The following SORCS2 variants were observed in gnomAD, a reference collection of about 807,000 sequenced individuals.
The protein encoded by SORCS2 is VPS10 domain-containing receptor SorCS2.
In SORCS2, 100 loss-of-function variants were observed where a neutral mutation model predicts 141.6. The observed-to-expected ratio is 0.71, with a 90% CI of 0.60 to 0.83. SORCS2 has a LOEUF of 0.83. Ranked by LOEUF, SORCS2 falls within the 40% of genes least tolerant of loss-of-function variation. The pLI is 0.00. For synonymous variants in SORCS2, 789 were observed against 676.9 expected (o/e 1.17, Z -2.57); for missense variants, 1,646 against 1,560.2 (o/e 1.05, Z -0.93).
chr4:7,398,149 G>A (rs546633489), intron 2 of SORCS2, among the ~76,000 whole-genome samples: 2 of 152,286 alleles, frequency 1.3e-5, no homozygotes, highest in East Asian at 1.9e-4. Context: ...GTTTGCTGGA[G>A]TCCTTGTGCG....
intron 2 of SORCS2, among the ~76,000 whole-genome samples, chr4:7,420,050 G>A (rs370186862): frequency 2.0e-5 from 3 of 152,194 alleles, no homozygotes; most frequent in African/African-American, 7.2e-5. Context: ...AGCAGGCCGG[G>A]GAGACAAGAG....
chr4:7,201,932 T>G lies in SORCS2; in HGVS notation c.480+8806T>G, dbSNP rs4689081. Among the ~76,000 whole-genome samples the G allele has an allele frequency of 0.53, 80,758 of 151,792 alleles. 22,373 individuals are homozygous for G. The highest frequency in any genetic ancestry group is 0.91 in the East Asian group (4,660 of 5,148). On this transcript the variant is annotated intron_variant, in intron 1 of 26. Transcript: ENST00000507866. The surrounding 1 kb of genome is among the most constrained non-coding windows in gnomAD (Gnocchi z 4.4). ...GGAGGGCAAGGTCTCCGTCTGTAGC[T>G]TTGGAAAGGTGAAGGCATGTGTTCT...
chr4:7,634,882 T>A (rs890520028), intron 3 of SORCS2, among the ~76,000 whole-genome samples: 9 of 152,154 alleles, frequency 5.9e-5, no homozygotes, highest in African/African-American at 2.2e-4. Flanking sequence ...CCCCATCCGA[T>A]GCCCAGAAAA....
chr4:7,426,950 C>T (rs2109209514), intron 2 of SORCS2, among the ~76,000 whole-genome samples: 1 of 152,316 alleles, frequency 6.6e-6, no homozygotes, highest in East Asian at 1.9e-4. Flanking sequence ...AGCGATGGGG[C>T]CCTGAGGACA....
intron 18 of SORCS2, among the ~76,000 whole-genome samples, chr4:7,718,857 A>G (rs1726378843): frequency 6.6e-6 from 1 of 152,248 alleles, no homozygotes; most frequent in Admixed American, 6.5e-5. Context: ...CGTGGTAACA[A>G]CTGTTAGTTT....
At chr4:7,315,669 A>T (rs1044598154) in intron 1 of SORCS2, among the ~76,000 whole-genome samples, 1 of 152,166 alleles carries the variant, frequency 6.6e-6, no homozygotes, top group Admixed American at 6.5e-5. Flanking sequence ...TTTTGCAAGG[A>T]CAGCCCAAAT....
At chr4:7,272,254 G>A (rs371867024) in intron 1 of SORCS2, among the ~76,000 whole-genome samples, 3 of 152,130 alleles carry the variant, frequency 2.0e-5, no homozygotes, top group African/African-American at 4.8e-5. Context: ...ATAAAGAGGC[G>A]CCATCTTTGC....
Position 7,723,776 on chromosome 4 carries a change from G to A in SORCS2, c.2504G>A (p.Gly835Glu). ...KAMYVNLTLT[G>E]EPIRHRYESP... ...ATGTACGTGAACCTTACACTGACCG[G>A]GGAGCCCATCCGGCACCGCTACGAG... The change falls in exon 19 of 27, where the codon GGG (glycine) becomes GAG (glutamate). Residue 835 changes from glycine to glutamate, a missense_variant. Coordinates refer to ENST00000507866, the MANE Select transcript of SORCS2 (RefSeq NM_020777.3). The A allele has an allele frequency of 2.5e-6, 4 of 1,613,984 alleles. No individual in the cohort carries two copies. Among genetic ancestry groups the A allele is most frequent in the Non-Finnish European group, 3.4e-6 (4 of 1,179,910 alleles).
At chr4:7,238,609 A>G (rs1712461810) in intron 1 of SORCS2, among the ~76,000 whole-genome samples, 1 of 152,146 alleles carries the variant, frequency 6.6e-6, no homozygotes, top group Non-Finnish European at 1.5e-5. Context: ...AAGTGGCATC[A>G]GTGGGGATGG....
At chr4:7,383,749 A>C (rs544332621) in intron 1 of SORCS2, among the ~76,000 whole-genome samples, 4 of 152,334 alleles carry the variant, frequency 2.6e-5, no homozygotes, top group South Asian at 4.1e-4. Flanking sequence ...CAAAAAAACC[A>C]AAACAGCAGC....
chr4:7,274,000 G>C (rs549993553), intron 1 of SORCS2, among the ~76,000 whole-genome samples: 1 of 152,220 alleles, frequency 6.6e-6, no homozygotes, highest in Admixed American at 6.5e-5. Flanking sequence ...CCTCTGCCTC[G>C]TGCACTGCAT....
At chr4:7,400,316 G>C (rs1724490400) in intron 2 of SORCS2, among the ~76,000 whole-genome samples, 1 of 152,154 alleles carries the variant, frequency 6.6e-6, no homozygotes, top group Admixed American at 6.5e-5. Flanking sequence ...ACCAACCCCA[G>C]GTACTGGATC....
rs556820826 is a variant in SORCS2, at chr4:7,374,671, G to T, written c.481-21617G>T. 4.6e-5 allele frequency among the ~76,000 whole-genome samples: 7 copies of T among 152,220 alleles called. No individual in the cohort carries two copies. The East Asian group carries it at 7.7e-4, about 17-fold the overall frequency. Reference sequence around the variant, plus strand: ...GTAACGACCAAGAGCTGGGGTCCCCGATCGCTGAACAGCCCACACATTTGC... The same window carrying T: ...GTAACGACCAAGAGCTGGGGTCCCCTATCGCTGAACAGCCCACACATTTGC... On this transcript the variant is annotated intron_variant, in intron 1 of 26. Transcript: ENST00000507866.
At chr4:7,420,173 G>A (rs4689742) in intron 2 of SORCS2, among the ~76,000 whole-genome samples, 1 of 152,050 alleles carries the variant, frequency 6.6e-6, no homozygotes, top group African/African-American at 2.4e-5. Flanking sequence ...AATGTGCCTG[G>A]GGGGCAAGGA....
At position 7,364,721 on chromosome 4, in the gene SORCS2, C is replaced by T. The variant is rs118072164; in HGVS notation, c.481-31567C>T. ...AGGTGCTAGGAGCTGTTGTGAGGAC[C>T]TCATGTCACATGAAGTCCAAAGCTA... On this transcript the variant is annotated intron_variant, in intron 1 of 26. Coordinates refer to ENST00000507866, the MANE Select transcript of SORCS2 (RefSeq NM_020777.3). Among the ~76,000 whole-genome samples the T allele has an allele frequency of 8.9e-4, 135 of 152,276 alleles. No homozygotes were observed. In the East Asian group the frequency reaches 0.02, roughly 22 times the overall value.
At chr4:7,679,317 G>T (rs1723365807) in intron 9 of SORCS2, among the ~76,000 whole-genome samples, 1 of 152,202 alleles carries the variant, frequency 6.6e-6, no homozygotes, top group South Asian at 2.1e-4. Flanking sequence ...CCCCCAAGGA[G>T]CCCTGGCCAC....
Position 7,741,840 on chromosome 4 carries a change from TC to T in SORCS2, c.*1578del, listed in dbSNP as rs1485174906. On this transcript the variant is annotated 3_prime_UTR_variant, in exon 27 of 27. Coordinates refer to ENST00000507866, the MANE Select transcript of SORCS2 (RefSeq NM_020777.3). ...CATTTCCCCTGGAAAAGAAACATGG[TC>T]CATTAGAGGGGAAAGCCCAGGGGTG... The T allele has an allele frequency of 7.1e-6, 1 of 141,572 alleles. No individual in the cohort carries two copies. Among genetic ancestry groups the T allele is most frequent in the Non-Finnish European group, 1.5e-5 (1 of 65,042 alleles). 8.8% of individuals were successfully genotyped at this position (141,572 alleles called of 1,614,324 possible). A position where few individuals can be genotyped will look rare whatever the true frequency, so the allele number is the denominator to read the frequency against.
intron 5 of SORCS2, among the ~76,000 whole-genome samples, chr4:7,656,389 G>A (rs374584716): frequency 6.6e-6 from 1 of 152,148 alleles, no homozygotes; most frequent in Admixed American, 6.5e-5. Flanking sequence ...AATACTGAGT[G>A]TCCGCTGGGC....
chr4:7,322,945 A>G (rs890299659), intron 1 of SORCS2, among the ~76,000 whole-genome samples: 3 of 147,380 alleles, frequency 2.0e-5, no homozygotes, highest in African/African-American at 7.7e-5. Context: ...GCTGAAATCT[A>G]CTAGGGCCTT....
Sources: allele counts gnomAD v4.1 joint callset (sites outside exome capture counted in the v4.1 genomes callset), GRCh38; gene constraint gnomAD v4.1.1; non-coding constraint Gnocchi (gnomAD v3.1); transcripts MANE v1.5; gene names NCBI Gene and HGNC (gene_info 2026-07-23, HGNC 2026-07-21).